LRRC8B: variants seen among roughly 807,000 people sequenced by gnomAD.
LRRC8B encodes the protein volume-regulated anion channel subunit LRRC8B.
A neutral mutation model predicts 58.8 loss-of-function variants in LRRC8B; 23 were observed. The observed-to-expected ratio is 0.39, with a 90% CI of 0.28 to 0.55. The LOEUF (loss-of-function observed/expected upper bound fraction) is 0.55. Among genes scored for constraint, LRRC8B ranks in the 20% least tolerant of loss-of-function variants. The pLI is 0.62. For missense variants in LRRC8B, 694 were observed against 936.0 expected (o/e 0.74, Z 3.37); for synonymous variants, 359 against 374.1 (o/e 0.96, Z 0.47).
intron 1 of LRRC8B, among the ~76,000 whole-genome samples, chr1:89,533,302 C>T (rs951166509): frequency 7.2e-5 from 11 of 152,222 alleles, no homozygotes; most frequent in Admixed American, 2.6e-4. Context: ...CTTTGTCTGG[C>T]TTCTGCAGCT....
intron 3 of LRRC8B, among the ~76,000 whole-genome samples, chr1:89,573,675 C>G (rs1028344495): frequency 2.0e-5 from 3 of 152,346 alleles, no homozygotes; most frequent in Non-Finnish European, 4.4e-5. Context: ...TCCTTTACCT[C>G]ACTGATCCTG....
intron 3 of LRRC8B, among the ~76,000 whole-genome samples, chr1:89,572,055 C>T (rs1028681542): frequency 6.6e-6 from 1 of 152,102 alleles, no homozygotes; most frequent in African/African-American, 2.4e-5. Context: ...TCTTTAAGGT[C>T]TCTAAGAACT....
At chr1:89,570,264 G>A (rs184298877) in intron 3 of LRRC8B, among the ~76,000 whole-genome samples, 9 of 152,172 alleles carry the variant, frequency 5.9e-5, no homozygotes, top group South Asian at 2.1e-4. Flanking sequence ...GTTGAATGGC[G>A]TTTCTGTCTT....
chr1:89,566,911 T>TA (rs1209952555), intron 1 of LRRC8B, among the ~76,000 whole-genome samples: 1 of 152,226 alleles, frequency 6.6e-6, no homozygotes, highest in Non-Finnish European at 1.5e-5. Context: ...TTCTCAGTGT[T>TA]ACACTTATCT....
chr1:89,533,255 G>A (rs1187959961), intron 1 of LRRC8B, among the ~76,000 whole-genome samples: 1 of 152,154 alleles, frequency 6.6e-6, no homozygotes, highest in African/African-American at 2.4e-5. Context: ...CCAGGATTAA[G>A]TCCAAACACC....
intron 1 of LRRC8B, among the ~76,000 whole-genome samples, chr1:89,545,557 T>G (rs1233751598): frequency 6.6e-6 from 1 of 152,218 alleles, no homozygotes; most frequent in Non-Finnish European, 1.5e-5. Context: ...CATACAGAAT[T>G]TGGTTAATAT....
At chr1:89,539,490 G>T (rs1650791848) in intron 1 of LRRC8B, among the ~76,000 whole-genome samples, 1 of 152,194 alleles carries the variant, frequency 6.6e-6, no homozygotes, top group Admixed American at 6.5e-5. Context: ...GTTATGGGCT[G>T]ATTTGGACCC....
chr1:89,559,439 GT>G (rs1185695663), intron 1 of LRRC8B, among the ~76,000 whole-genome samples: 1 of 151,882 alleles, frequency 6.6e-6, no homozygotes, highest in African/African-American at 2.4e-5. Context: ...GTGTCCAGGA[GT>G]TTCAGCAACA....
At chr1:89,544,432 T>C (rs1327871831) in intron 1 of LRRC8B, among the ~76,000 whole-genome samples, 3 of 152,242 alleles carry the variant, frequency 2.0e-5, no homozygotes, top group African/African-American at 7.2e-5. Flanking sequence ...TCATTTGGAT[T>C]TACCAGGCTC....
At chr1:89,555,426 A>G (rs1652113355) in intron 1 of LRRC8B, among the ~76,000 whole-genome samples, 1 of 152,162 alleles carries the variant, frequency 6.6e-6, no homozygotes, top group Non-Finnish European at 1.5e-5. Context: ...ATATTTTTGC[A>G]GTTTTTGCTT....
chr1:89,542,491 A>G (rs1651084061), intron 1 of LRRC8B, among the ~76,000 whole-genome samples: 1 of 152,202 alleles, frequency 6.6e-6, no homozygotes, highest in African/African-American at 2.4e-5. Flanking sequence ...CAGCCACTAA[A>G]TATTTACTGA....
intron 3 of LRRC8B, among the ~76,000 whole-genome samples, chr1:89,577,841 A>G (rs1316652284): frequency 6.6e-6 from 1 of 152,194 alleles, no homozygotes; most frequent in Non-Finnish European, 1.5e-5. Context: ...ATGCAGTTAT[A>G]ACCCAGTTAT....
At chr1:89,538,717 T>TGTTTG (rs149713017) in intron 1 of LRRC8B, among the ~76,000 whole-genome samples, 2 of 151,688 alleles carry the variant, frequency 1.3e-5, no homozygotes, top group Admixed American at 6.6e-5. Context: ...CGAGGTTTTT[T>TGTTTG]TTTGTTTGTT....
intron 1 of LRRC8B, among the ~76,000 whole-genome samples, chr1:89,549,629 T>C (rs981426440): frequency 1.1e-4 from 16 of 152,192 alleles, no homozygotes; most frequent in Admixed American, 2.0e-4. Context: ...TTTGTAGTTA[T>C]GTGGATGCGG....
intron 1 of LRRC8B, among the ~76,000 whole-genome samples, chr1:89,532,151 T>C (rs1417512446): frequency 6.6e-6 from 1 of 152,186 alleles, no homozygotes; most frequent in African/African-American, 2.4e-5. Context: ...CAGAAATACG[T>C]TCCCTGGCCA....
intron 1 of LRRC8B, among the ~76,000 whole-genome samples, chr1:89,545,701 A>G (rs899723682): frequency 1.3e-5 from 2 of 152,236 alleles, no homozygotes; most frequent in African/African-American, 4.8e-5. Flanking sequence ...TTCAAGGCCA[A>G]TGACAGTGAG....
intron 3 of LRRC8B, among the ~76,000 whole-genome samples, chr1:89,575,334 G>A (rs937299455): frequency 2.6e-5 from 4 of 152,124 alleles, no homozygotes; most frequent in Admixed American, 2.6e-4. Context: ...TTTATGCTTG[G>A]AATGTTGTCT....
chr1:89,544,108 C>T (rs1570573797), intron 1 of LRRC8B, among the ~76,000 whole-genome samples: 4 of 152,272 alleles, frequency 2.6e-5, no homozygotes, highest in African/African-American at 9.6e-5. Context: ...TTTTTAAAAT[C>T]TCTATAAATG....
rs1655321401 is a variant in LRRC8B at position 89,596,614 on chromosome 1, ATTTTC to A, written c.*3577_*3581del. The A allele has an allele frequency of 6.6e-6, 1 of 152,104 alleles. No homozygotes were observed. Among genetic ancestry groups the A allele is most frequent in the Non-Finnish European group, 1.5e-5 (1 of 67,988 alleles). 9.4% of individuals were successfully genotyped at this position (152,104 alleles called of 1,614,324 possible). On this transcript the variant is annotated 3_prime_UTR_variant, in exon 6 of 6. Coordinates refer to ENST00000330947, the MANE Select transcript of LRRC8B (RefSeq NM_001369817.2). ...ATTATTTTCTTGTGTTTTCAATAAA[ATTTTC>A]TTTTCATCTTTCCATCTTCACATTC...
Sources: allele counts gnomAD v4.1 joint callset (sites outside exome capture counted in the v4.1 genomes callset), GRCh38; gene constraint gnomAD v4.1.1; transcripts MANE v1.5; gene names NCBI Gene and HGNC (gene_info 2026-07-23, HGNC 2026-07-21).